Variants in PCDHGA4 observed in about 807,000 individuals in gnomAD.
PCDHGA4 encodes protocadherin gamma-A4.
In PCDHGA4, 38 loss-of-function variants were observed where a neutral mutation model predicts 54.6. That is an observed-to-expected ratio of 0.70 (90% CI 0.54 to 0.91). PCDHGA4 has a LOEUF of 0.91. Ranked by LOEUF, PCDHGA4 falls within the 40% of genes least tolerant of loss-of-function variation. The pLI is 0.00. For synonymous variants in PCDHGA4, 511 were observed against 512.9 expected (o/e 1.00, Z 0.05); for missense variants, 1,298 against 1,220.9 (o/e 1.06, Z -0.94).
At chr5:141,384,353 C>T in intron 1 of PCDHGA4, 1 of 1,613,848 alleles carries the variant, frequency 6.2e-7, no homozygotes, top group South Asian at 1.1e-5. Context: ...GAGGATAATG[C>T]CCAGATCACT....
At position 141,420,439 on chromosome 5, in the gene PCDHGA4, C is replaced by T. The variant is rs2096496531; in HGVS notation, c.2514+62818C>T. ...TTAAAACAAAAGTTTAAATTAAATGCCTCAGTCTTCCTACTATTCAAAGAC... is the reference window on the plus strand; with the variant it reads ...TTAAAACAAAAGTTTAAATTAAATGTCTCAGTCTTCCTACTATTCAAAGAC... On this transcript the variant is annotated intron_variant, in intron 1 of 3. Coordinates refer to ENST00000571252, the MANE Select transcript of PCDHGA4 (RefSeq NM_018917.4). 10 of 1,073,160 alleles carry T rather than the reference C, an allele frequency of 9.3e-6. No individual in the cohort carries two copies. In the South Asian group the frequency reaches 2.0e-4, roughly 22 times the overall value. The allele number at this position is 1,073,160 out of a possible 1,614,324, so 66.5% of individuals were successfully genotyped here.
chr5:141,508,910 A>T (rs2099872999), intron 3 of PCDHGA4, among the ~76,000 whole-genome samples: 1 of 151,906 alleles, frequency 6.6e-6, no homozygotes, highest in Non-Finnish European at 1.5e-5. Context: ...GCGGTGGCGG[A>T]TCTGGCTTCC....
intron 1 of PCDHGA4, chr5:141,400,041 G>T (rs1354740714): frequency 1.2e-6 from 2 of 1,613,566 alleles, no homozygotes; most frequent in South Asian, 2.2e-5. Context: ...GCCAGCGCCT[G>T]CTGGTTGCTG....
chr5:141,423,330 C>T (rs932335651), intron 1 of PCDHGA4: 2 of 1,614,174 alleles, frequency 1.2e-6, no homozygotes, highest in Non-Finnish European at 1.7e-6. Flanking sequence ...TGGCCGCAGT[C>T]TCCTGCATCT....
chr5:141,417,899 C>G lies in PCDHGA4; in HGVS notation c.2514+60278C>G, dbSNP rs781294504. On this transcript the variant is annotated intron_variant, in intron 1 of 3. Transcript: ENST00000571252. ...CGCGCAGAGGCGCCGGGCCGGCCCG[C>G]GGCAGGTACTATTTCCTTTGCTGCT... 2.0e-5 allele frequency: 31 copies of G among 1,581,354 alleles called. 2 individuals carry two copies. In the South Asian group the frequency reaches 3.4e-4, roughly 17 times the overall value.
chr5:141,421,991 A>T, intron 1 of PCDHGA4: 1 of 1,608,656 alleles, frequency 6.2e-7, no homozygotes, highest in Non-Finnish European at 8.5e-7. Context: ...GTTCCAGAAA[A>T]CATCAGCTCC....
intron 1 of PCDHGA4, chr5:141,419,381 A>T (rs1170271990): frequency 6.2e-7 from 1 of 1,613,544 alleles, no homozygotes; most frequent in Admixed American, 1.7e-5. Flanking sequence ...CGTGTCCGTG[A>T]GCGCGCAGAG....
chr5:141,443,309 C>T (rs2098379780), intron 1 of PCDHGA4, among the ~76,000 whole-genome samples: 1 of 131,436 alleles, frequency 7.6e-6, no homozygotes, highest in African/African-American at 3.4e-5. Flanking sequence ...GGCAAAAACC[C>T]ATCTCTACAA....
At chr5:141,425,379 G>A (rs1330938768) in intron 1 of PCDHGA4, among the ~76,000 whole-genome samples, 7 of 152,152 alleles carry the variant, frequency 4.6e-5, no homozygotes, top group African/African-American at 4.8e-5. Context: ...ATGTTGATTC[G>A]GAGGTAGTGA....
intron 1 of PCDHGA4, chr5:141,428,284 G>A (rs762469333): frequency 4.2e-5 from 31 of 734,822 alleles, no homozygotes. Flanking sequence ...TGATTCCCAA[G>A]CAAAGCTGCA....
intron 1 of PCDHGA4, among the ~76,000 whole-genome samples, chr5:141,484,096 G>T (rs539388257): frequency 6.6e-6 from 1 of 152,244 alleles, no homozygotes; most frequent in Non-Finnish European, 1.5e-5. Flanking sequence ...GTCTTCGTTG[G>T]TAATTAACAA....
intron 1 of PCDHGA4, among the ~76,000 whole-genome samples, chr5:141,472,001 G>A (rs992798148): frequency 1.1e-4 from 17 of 152,022 alleles, no homozygotes; most frequent in East Asian, 3.9e-4. Context: ...TCCCTGCATC[G>A]TATAGGGGCA....
chr5:141,471,926 G>A (rs2099266798), intron 1 of PCDHGA4, among the ~76,000 whole-genome samples: 2 of 152,110 alleles, frequency 1.3e-5, no homozygotes. Flanking sequence ...AATTTTGGGG[G>A]TGATGAGAGT....
intron 1 of PCDHGA4, chr5:141,364,713 A>G: frequency 6.2e-7 from 1 of 1,613,984 alleles, no homozygotes; most frequent in Non-Finnish European, 8.5e-7. Context: ...GATATTAATG[A>G]TAACTTCCCG....
chr5:141,416,523 C>G (rs2096035969), intron 1 of PCDHGA4: 1 of 152,064 alleles, frequency 6.6e-6, no homozygotes, highest in Admixed American at 6.6e-5. Flanking sequence ...TTCAGTGGCT[C>G]TTTAATGTAT....
At chr5:141,372,237 G>A in intron 1 of PCDHGA4, 2 of 1,613,294 alleles carry the variant, frequency 1.2e-6, no homozygotes, top group Non-Finnish European at 1.7e-6. Flanking sequence ...CAGCGAGCCC[G>A]GGCTGTTCAG....
At chr5:141,408,885 T>G in intron 1 of PCDHGA4, 1 of 1,613,020 alleles carries the variant, frequency 6.2e-7, no homozygotes, top group Middle Eastern at 1.6e-4. Context: ...ACCGCTCACA[T>G]AGAAATTTCT....
Position 141,486,682 on chromosome 5 carries a change from A to C in PCDHGA4, c.2515-8125A>C, listed in dbSNP as rs781547951. 1.4e-5 allele frequency: 22 copies of C among 1,614,064 alleles called. No individual in the cohort carries two copies. The African/African-American group carries it at 2.3e-4, about 17-fold the overall frequency. ...TGGAGCCCAGGAATCGAGATGTATC[A>C]GCTTCCTCTTTCATCTCTCTGAACC... On this transcript the variant is annotated intron_variant, in intron 1 of 3. Coordinates refer to ENST00000571252, the MANE Select transcript of PCDHGA4 (RefSeq NM_018917.4). The surrounding 1 kb of genome is among the most constrained non-coding windows in gnomAD (Gnocchi z 5.0).
chr5:141,461,255 G>A (rs1466460215), intron 1 of PCDHGA4, among the ~76,000 whole-genome samples: 1 of 152,098 alleles, frequency 6.6e-6, no homozygotes. Flanking sequence ...ATTCCCAGCA[G>A]CAATGTGTAA....
Sources: gnomAD v4.1 joint callset for allele counts (sites outside exome capture counted in the v4.1 genomes callset) on GRCh38, gnomAD v4.1.1 for gene constraint, Gnocchi (gnomAD v3.1) non-coding constraint, MANE v1.5 for transcripts, NCBI Gene and HGNC (gene_info 2026-07-23, HGNC 2026-07-21) for gene names.